The following PANK2 variants were observed in gnomAD, a reference collection of about 807,000 sequenced individuals.
PANK2 encodes the protein pantothenate kinase 2.
A neutral mutation model predicts 43.1 loss-of-function variants in PANK2; 36 were observed. That is an observed-to-expected ratio of 0.84 (90% CI 0.64 to 1.10). The LOEUF (loss-of-function observed/expected upper bound fraction) is 1.10, where lower values mean the gene tolerates loss of function less well. Among genes scored for constraint, PANK2 ranks in the 50% least tolerant of loss-of-function variants. The pLI, the probability that PANK2 is intolerant of heterozygous loss-of-function variation, is 0.00. For missense variants in PANK2, 576 were observed against 593.3 expected (o/e 0.97, Z 0.30); for synonymous variants, 281 against 238.2 (o/e 1.18, Z -1.66).
chr20:3,901,933 TA>T (rs2090307831), intron 1 of PANK2, among the ~76,000 whole-genome samples: 1 of 152,108 alleles, frequency 6.6e-6, no homozygotes, highest in South Asian at 2.1e-4. Context: ...AAAAGTCTGA[TA>T]CTGACTTTTA....
chr20:3,893,919 T>G (rs929544529), intron 1 of PANK2, among the ~76,000 whole-genome samples: 4 of 109,730 alleles, frequency 3.6e-5, no homozygotes, highest in African/African-American at 1.2e-4. Context: ...GTTTTTTTTT[T>G]GTTTGTTTTT....
intron 5 of PANK2, chr20:3,917,661 TTTTA>T (rs1378540511): frequency 1.4e-5 from 3 of 212,682 alleles, no homozygotes; most frequent in Non-Finnish European, 3.3e-5. Flanking sequence ...TAAATTATTC[TTTTA>T]TTTTTATTTT....
At chr20:3,918,212 T>G (rs1186530143) in intron 5 of PANK2, among the ~76,000 whole-genome samples, 1 of 152,194 alleles carries the variant, frequency 6.6e-6, no homozygotes. Flanking sequence ...ATGGTGGTGG[T>G]GGAATTTCAG....
chr20:3,923,446 T>G lies in PANK2; in HGVS notation c.*152T>G. 1 of 856,800 alleles carries G rather than the reference T, an allele frequency of 1.2e-6. No individual in the cohort carries two copies. Among genetic ancestry groups the G allele is most frequent in the Non-Finnish European group, 1.9e-6 (1 of 538,736 alleles). 53.1% of individuals were successfully genotyped at this position (856,800 alleles called of 1,614,324 possible). A position where few individuals can be genotyped will look rare whatever the true frequency, so the allele number is the denominator to read the frequency against. On this transcript the variant is annotated 3_prime_UTR_variant, in exon 7 of 7. Transcript: ENST00000610179. Reference sequence around the variant, plus strand: ...TTTCTAAGTCATCAAGATAAATCCTTAAGAATTCAGTCTAAATTAGCAACC... The same window carrying G: ...TTTCTAAGTCATCAAGATAAATCCTGAAGAATTCAGTCTAAATTAGCAACC...
chr20:3,895,070 C>T (rs978870192), intron 1 of PANK2, among the ~76,000 whole-genome samples: 5 of 151,910 alleles, frequency 3.3e-5, no homozygotes, highest in African/African-American at 7.3e-5. Context: ...CTTGAGACCA[C>T]GAGTTCAAGA....
Position 3,923,344 on chromosome 20 carries a change from A to C in PANK2, c.*50A>C. 1 of 1,587,528 alleles carries C rather than the reference A, an allele frequency of 6.3e-7. No individual in the cohort carries two copies. Among genetic ancestry groups the C allele is most frequent in the African/African-American group, 1.3e-5 (1 of 74,246 alleles). ...AAACCTTCCACAATGGGATCTGTGG[A>C]CTTTCATTTTTTTAAGAGACTTACT... is the stretch of plus-strand genomic sequence containing the variant. On this transcript the variant is annotated 3_prime_UTR_variant, in exon 7 of 7. Coordinates refer to ENST00000610179, the MANE Select transcript of PANK2 (RefSeq NM_001386393.1).
rs542832257 is a variant in PANK2 at position 3,911,440 on chromosome 20, G to A, written c.905+610G>A. Among the ~76,000 whole-genome samples the A allele has an allele frequency of 1.7e-4, 25 of 151,332 alleles. No individual in the cohort carries two copies. In the East Asian group the frequency reaches 2.4e-3, roughly 14 times the overall value. ...TCTACTAAAAATACAAAAATTAGCC[G>A]GGCGCAGTGGCAGGCGCCTGTGAAT... On this transcript the variant is annotated intron_variant, in intron 3 of 6. Coordinates refer to ENST00000610179, the MANE Select transcript of PANK2 (RefSeq NM_001386393.1).
intron 4 of PANK2, among the ~76,000 whole-genome samples, chr20:3,915,303 C>T (rs1034190213): frequency 1.0e-4 from 15 of 149,346 alleles, no homozygotes; most frequent in Non-Finnish European, 1.6e-4. Flanking sequence ...GTATTTTTTT[C>T]TTTTTTTCTT....
upstream of PANK2, chr20:3,889,364 C>T (rs2090070507): frequency 6.3e-7 from 1 of 1,578,498 alleles, no homozygotes; most frequent in Non-Finnish European, 8.6e-7. Context: ...ACGGAAGAGG[C>T]GGCCGGCCGA....
At chr20:3,901,997 A>C (rs2090309192) in intron 1 of PANK2, among the ~76,000 whole-genome samples, 1 of 151,882 alleles carries the variant, frequency 6.6e-6, no homozygotes, top group African/African-American at 2.4e-5. Context: ...GATATCTTGA[A>C]ATTTCAATAG....
intron 1 of PANK2, among the ~76,000 whole-genome samples, chr20:3,907,211 C>G (rs960702392): frequency 6.3e-5 from 9 of 143,458 alleles, no homozygotes; most frequent in African/African-American, 1.6e-4. Context: ...TGAAGCAGTT[C>G]TGGTTTAGAT....
rs772205776 is a variant in PANK2 at position 3,889,485 on chromosome 20, C to G, written c.55C>G (p.Leu19Val). ...GCTGCTGCGGATGGGAGGGGGCCGG[C>G]TCGGCGCGCCCATGGAGCGCCACGG... The change falls in exon 1 of 7, where the codon CTC becomes GTC. Residue 19 changes from leucine to valine, a missense_variant. Leu to Val is a conservative substitution (Grantham distance 32). Transcript: ENST00000610179. 10 of 1,487,342 alleles carry G rather than the reference C, an allele frequency of 6.7e-6. No individual in the cohort carries two copies. Among genetic ancestry groups the G allele is most frequent in the Non-Finnish European group, 8.9e-6 (10 of 1,128,296 alleles). The allele number at this position is 1,487,342 out of a possible 1,614,324, so 92.1% of individuals were successfully genotyped here.
intron 1 of PANK2, among the ~76,000 whole-genome samples, chr20:3,905,575 C>T (rs763319259): frequency 5.9e-5 from 9 of 151,328 alleles, no homozygotes; most frequent in Non-Finnish European, 1.2e-4. Context: ...TCTCGATCTC[C>T]TGACCTCATG....
Position 3,912,499 on chromosome 20 carries a change from C to G in PANK2, c.947C>G (p.Thr316Ser), listed in dbSNP as rs1190469020. ...TTTTTTGGTCTCTGCTGTCTTCTTA[C>G]TGGCTGTACCACTTTTGAAGAAGCT... Residue 316 changes from threonine to serine, a missense_variant, in exon 4 of 7, where the codon ACT becomes AGT. Thr to Ser is a moderately conservative substitution (Grantham distance 58). This residue lies in a region of PANK2 where 544 missense variants were observed against 528.9 expected (regional missense o/e 1.03). Transcript: ENST00000610179. 6.2e-7 allele frequency: 1 copy of G among 1,614,018 alleles called. No homozygotes were observed. The highest frequency in any genetic ancestry group is 8.5e-7 in the Non-Finnish European group (1 of 1,180,040).
At chr20:3,898,534 G>T (rs971442383) in intron 1 of PANK2, among the ~76,000 whole-genome samples, 54 of 152,076 alleles carry the variant, frequency 3.6e-4, no homozygotes, top group Admixed American at 3.3e-4. Flanking sequence ...AAATATGTAA[G>T]GCTAGATGTT....
intron 1 of PANK2, among the ~76,000 whole-genome samples, chr20:3,902,461 T>C (rs2090317167): frequency 6.6e-6 from 1 of 151,906 alleles, no homozygotes; most frequent in South Asian, 2.1e-4. Flanking sequence ...GTATTTTTAG[T>C]AGAGGTGGGG....
At chr20:3,891,224 A>G (rs980656273) in intron 1 of PANK2, 11 of 151,732 alleles carry the variant, frequency 7.2e-5, no homozygotes, top group African/African-American at 2.7e-4. Context: ...TAATTTTTCA[A>G]TTTTTATTTT....
intron 1 of PANK2, among the ~76,000 whole-genome samples, chr20:3,904,219 T>C (rs191811840): frequency 6.6e-6 from 1 of 151,614 alleles, no homozygotes; most frequent in South Asian, 2.1e-4. Context: ...AGTTTGTCCC[T>C]TTTTTTTGGT....
intron 4 of PANK2, among the ~76,000 whole-genome samples, chr20:3,914,080 CG>C (rs2090521027): frequency 6.6e-6 from 1 of 150,846 alleles, no homozygotes; most frequent in South Asian, 2.1e-4. Flanking sequence ...TGAGCCACTG[CG>C]CCTGGCCTGC....
Sources: allele counts gnomAD v4.1 joint callset (sites outside exome capture counted in the v4.1 genomes callset), GRCh38; gene constraint gnomAD v4.1.1; regional missense constraint gnomAD v4.1.1; transcripts MANE v1.5; gene names NCBI Gene and HGNC (gene_info 2026-07-23, HGNC 2026-07-21).